The following EML6 variants were observed in gnomAD, a reference collection of about 807,000 sequenced individuals.
EML6 encodes the protein EMAP like 6, also known as echinoderm microtubule-associated protein-like 6.
EML6 carries 154 observed loss-of-function variants against 240.1 expected under a neutral mutation model. That is an observed-to-expected ratio of 0.64 (90% confidence interval 0.56 to 0.73). EML6 has a LOEUF of 0.73. Among genes scored for constraint, EML6 ranks in the 30% least tolerant of loss-of-function variants. The pLI, the probability that EML6 is intolerant of heterozygous loss-of-function variation, is 0.00. For synonymous variants in EML6, 1,148 were observed against 899.0 expected, an observed-to-expected ratio of 1.28 and a Z score of -4.95; for missense variants, 2,964 against 2,474.6, an observed-to-expected ratio of 1.20 and a Z score of -4.20.
At chr2:54,885,792 T>C (rs1247590333) in intron 17 of EML6, among the ~76,000 whole-genome samples, 2 of 152,002 alleles carry the variant, frequency 1.3e-5, no homozygotes. Context: ...TTTGTATTTT[T>C]AGTAGAGATG....
chr2:54,768,803 A>G (rs1668292413), intron 2 of EML6, among the ~76,000 whole-genome samples: 2 of 152,156 alleles, frequency 1.3e-5, no homozygotes, highest in Non-Finnish European at 2.9e-5. Flanking sequence ...AAATATATAT[A>G]AATTTTCTAC....
Position 54,728,453 on chromosome 2 carries a change from T to G in EML6, c.197+3195T>G, listed in dbSNP as rs945824653. On this transcript the variant is annotated intron_variant, in intron 2 of 41. Transcript: ENST00000356458. ...CTTCTGCCTCGTTTTCCGGCTCCCA[T>G]TTGCAAAGGAGGTTTATGTACAATG... Among the ~76,000 whole-genome samples the G allele has an allele frequency of 3.9e-5, 6 of 152,192 alleles. No homozygotes were observed. The South Asian group carries it at 1.0e-3, about 26-fold the overall frequency.
At chr2:54,727,023 A>G (rs1335173069) in intron 2 of EML6, among the ~76,000 whole-genome samples, 1 of 152,226 alleles carries the variant, frequency 6.6e-6, no homozygotes, top group Non-Finnish European at 1.5e-5. Context: ...AAGGTGGGAA[A>G]AGGGTGGAGT....
At chr2:54,970,020 A>G (rs1027572389) in intron 41 of EML6, 51 bp from the exon 42 acceptor site, 12 of 1,547,832 alleles carry the variant, frequency 7.8e-6, no homozygotes, top group South Asian at 7.1e-5. Context: ...GCCACTTGAC[A>G]CAAGTATGAT....
chr2:54,870,341 G>A (rs55673335), intron 15 of EML6, among the ~76,000 whole-genome samples: 6,025 of 149,702 alleles, frequency 0.04, 408 homozygotes, highest in African/African-American at 0.13. Flanking sequence ...TAAAAGGGTT[G>A]CAGTCCTCCA....
Position 54,874,020 on chromosome 2 carries a change from G to C in EML6, c.2344+2415G>C, listed in dbSNP as rs548317515. Among the ~76,000 whole-genome samples, 12 of 152,330 alleles carry C rather than the reference G, an allele frequency of 7.9e-5. No individual in the cohort carries two copies. The South Asian group carries it at 1.9e-3, about 24-fold the overall frequency. Reference sequence around the variant, plus strand: ...TATAAATAAAGTGGCAAGAAATTTAGAGTAATATAAATAGAATTTAATCAT... The same window carrying C: ...TATAAATAAAGTGGCAAGAAATTTACAGTAATATAAATAGAATTTAATCAT... On this transcript the variant is annotated intron_variant, in intron 16 of 41. Transcript: ENST00000356458.
chr2:54,952,781 C>T lies in EML6; in HGVS notation c.4312+89C>T, dbSNP rs1676047613. On this transcript the variant is annotated intron_variant, in intron 31 of 41. Transcript: ENST00000356458. ...ATTGGGAGAGGGAGTGGGTGGGTTG[C>T]TTACATCCATCCCTTCTTGTTGATG... The T allele has an allele frequency of 9.6e-6, 8 of 832,992 alleles. No homozygotes were observed. In the South Asian group the frequency reaches 1.2e-4, roughly 13 times the overall value. The allele number at this position is 832,992 out of a possible 1,614,324, so 51.6% of individuals were successfully genotyped here.
At chr2:54,728,062 C>T (rs918339537) in intron 2 of EML6, among the ~76,000 whole-genome samples, 1 of 152,138 alleles carries the variant, frequency 6.6e-6, no homozygotes, top group African/African-American at 2.4e-5. Flanking sequence ...TAGTTTTATT[C>T]TCTTGAATAT....
chr2:54,799,421 C>T (rs1321840931), intron 2 of EML6, among the ~76,000 whole-genome samples: 1 of 151,922 alleles, frequency 6.6e-6, no homozygotes, highest in Non-Finnish European at 1.5e-5. Flanking sequence ...TCTCCGTTCA[C>T]TGCAACCTCT....
At chr2:54,769,314 C>T (rs576085431) in intron 2 of EML6, among the ~76,000 whole-genome samples, 1 of 152,158 alleles carries the variant, frequency 6.6e-6, no homozygotes, top group African/African-American at 2.4e-5. Context: ...CCATCAGAGC[C>T]AACAATTTGA....
chr2:54,895,302 C>T lies in EML6; in HGVS notation c.2884C>T (p.Arg962Cys), dbSNP rs530391828. ...GCTTTTGGAAGATAACCCTTCAATTCGTGCCATCACTTTGGGACATGGACA... is the reference window on the plus strand; with the variant it reads ...GCTTTTGGAAGATAACCCTTCAATTTGTGCCATCACTTTGGGACATGGACA... ...GLLLEDNPSIRAITLGHGHIL... is the reference protein window; with the variant it reads ...GLLLEDNPSICAITLGHGHIL... Residue 962 changes from arginine (R) to cysteine (C), a missense_variant, in exon 21 of 42, where the codon CGT becomes TGT. Physicochemically the swap from Arg to Cys is radical, Grantham distance 180. Transcript: ENST00000356458. 8.4e-6 allele frequency: 13 copies of T among 1,551,688 alleles called. No individual in the cohort carries two copies. The East Asian group carries it at 9.8e-5, about 12-fold the overall frequency.
chr2:54,793,290 G>A (rs76643523), intron 2 of EML6, among the ~76,000 whole-genome samples: 4,050 of 151,154 alleles, frequency 0.027, 157 homozygotes, highest in Admixed American at 0.12. Flanking sequence ...ATCTTTCAGC[G>A]TTTGCAGGGC....
intron 25 of EML6, among the ~76,000 whole-genome samples, chr2:54,915,996 TTTA>T (rs1673890194): frequency 6.6e-6 from 1 of 152,222 alleles, no homozygotes; most frequent in Admixed American, 6.5e-5. Context: ...CTTATCAGGA[TTTA>T]ACCTATACAA....
chr2:54,819,490 C>T (rs1346755298), intron 4 of EML6, among the ~76,000 whole-genome samples: 2 of 152,066 alleles, frequency 1.3e-5, no homozygotes, highest in East Asian at 3.9e-4. Flanking sequence ...TAAAGAATGA[C>T]AAATAGGCCG....
intron 2 of EML6, among the ~76,000 whole-genome samples, chr2:54,808,732 A>G (rs1670631600): frequency 6.6e-6 from 1 of 152,190 alleles, no homozygotes; most frequent in Non-Finnish European, 1.5e-5. Flanking sequence ...GTTAAACTTC[A>G]TAAGCAAGGC....
rs70944189 is a variant in EML6 at position 54,823,870 on chromosome 2, C to CTCTCTCTCTCTCTCTCTCTCTCTT, written c.525+3415_525+3416insCTCTCTCTCTCTCTCTTTCTCTCT. ...ATTCATTCTCTCTCTCTCTCTCTCT[C>CTCTCTCTCTCTCTCTCTCTCTCTT]TCTCTCTTTCTGTCTCTCTCTCTCT... On this transcript the variant is annotated intron_variant, in intron 5 of 41. Coordinates refer to ENST00000356458, the MANE Select transcript of EML6 (RefSeq NM_001039753.4). 6.4e-4 allele frequency among the ~76,000 whole-genome samples: 94 copies of CTCTCTCTCTCTCTCTCTCTCTCTT among 146,608 alleles called. 1 individual carries two copies. The highest frequency in any genetic ancestry group is 2.2e-3 in the African/African-American group (87 of 39,172).
chr2:54,962,457 G>GA, intron 35 of EML6, 66 bp from the exon 36 acceptor site: 2 of 1,245,096 alleles, frequency 1.6e-6, no homozygotes, highest in South Asian at 3.3e-5. Context: ...GTCTACTCTA[G>GA]ATACCTCATA....
At chr2:54,959,900 A>G (rs1479157894) in intron 34 of EML6, among the ~76,000 whole-genome samples, 1 of 152,262 alleles carries the variant, frequency 6.6e-6, no homozygotes, top group African/African-American at 2.4e-5. Flanking sequence ...GAGATGCAGA[A>G]GCAAAGCCTG....
intron 2 of EML6, among the ~76,000 whole-genome samples, chr2:54,767,982 T>G (rs1668255878): frequency 6.6e-6 from 1 of 152,142 alleles, no homozygotes; most frequent in South Asian, 2.1e-4. Context: ...GAGATCACAT[T>G]CAGAGTAATG....
Sources: gnomAD v4.1 joint callset for allele counts (sites outside exome capture counted in the v4.1 genomes callset) on GRCh38, gnomAD v4.1.1 for gene constraint, MANE v1.5 for transcripts, NCBI Gene and HGNC (gene_info 2026-07-23, HGNC 2026-07-21) for gene names.